The following ADH5 variants were observed in gnomAD, a reference collection of about 807,000 sequenced individuals.
ADH5 encodes alcohol dehydrogenase 5 (class III), chi polypeptide.
A neutral mutation model predicts 40.3 loss-of-function variants in ADH5; 32 were observed. The observed-to-expected ratio is 0.79, with a 90% CI of 0.60 to 1.07. The LOEUF (loss-of-function observed/expected upper bound fraction) is 1.07. ADH5 is among the 50% of genes least tolerant of loss of function. ADH5 has a pLI of 0.00. For missense variants in ADH5, 353 were observed against 460.5 expected, an observed-to-expected ratio of 0.77 and a Z score of 2.14; for synonymous variants, 125 against 154.3, an observed-to-expected ratio of 0.81 and a Z score of 1.41.
At chr4:99,086,581 G>A (rs573474221) in intron 1 of ADH5, among the ~76,000 whole-genome samples, 12 of 152,286 alleles carry the variant, frequency 7.9e-5, no homozygotes, top group Admixed American at 7.2e-4. Context: ...GAAGGATGAG[G>A]AAAAGGTAAT....
chr4:99,081,726 TCTTG>T, intron 3 of ADH5: 1 of 558,918 alleles, frequency 1.8e-6, no homozygotes, highest in Non-Finnish European at 3.1e-6. Context: ...CTCTAAAAAT[TCTTG>T]CTTAATATGC....
intron 2 of ADH5, among the ~76,000 whole-genome samples, chr4:99,083,147 A>G (rs545961993): frequency 3.3e-5 from 5 of 152,338 alleles, no homozygotes; most frequent in African/African-American, 9.6e-5. Flanking sequence ...ATACAGCTCA[A>G]TGAGCACAAT....
rs767121251 is a variant in ADH5, at chr4:99,076,688, CAA to C, written c.564+14_564+15del. Reference sequence around the variant, plus strand: ...AATTAGAAGGCAGAAGCAAAAAACCCAAGTCAGTCTCTTACCTTGGCAGTGTT... The same window carrying C: ...AATTAGAAGGCAGAAGCAAAAAACCCGTCAGTCTCTTACCTTGGCAGTGTT... On this transcript the variant is annotated intron_variant, in intron 5 of 8. Transcript: ENST00000296412. 2.5e-6 allele frequency: 4 copies of C among 1,608,608 alleles called. No individual in the cohort carries two copies.
chr4:99,075,101 G>T, intron 6 of ADH5, 52 bp from the exon 7 acceptor site: 1 of 1,425,292 alleles, frequency 7.0e-7, no homozygotes, highest in African/African-American at 1.4e-5. Context: ...ATTTTCCTGA[G>T]AACAACTGCT....
chr4:99,072,683 C>T lies in ADH5; in HGVS notation c.990G>A (p.Lys330=). The T allele has an allele frequency of 6.2e-7, 1 of 1,612,274 alleles. No individual in the cohort carries two copies. Among genetic ancestry groups the T allele is most frequent in the Non-Finnish European group, 8.5e-7 (1 of 1,179,402 alleles). The change falls in exon 8 of 9, where the codon AAG becomes AAA. Residue 330 remains lysine (K), a synonymous_variant. Transcript: ENST00000296412. ...GGWKSVESVP[K]LVSEYMSKKI... ...TTTTGGACATATATTCAGACACCAA[C>T]TTTGGGACACTTTCTACACTCTTCC...
intron 2 of ADH5, among the ~76,000 whole-genome samples, chr4:99,084,205 G>A (rs1234722678): frequency 6.6e-6 from 1 of 152,170 alleles, no homozygotes; most frequent in Non-Finnish European, 1.5e-5. Context: ...CTACTGGGCT[G>A]CATTCCCAGG....
chr4:99,081,614 GCAAAAAGTATGTTT>G, intron 3 of ADH5, 162 bp from the exon 4 acceptor site: 1 of 592,422 alleles, frequency 1.7e-6, no homozygotes, highest in Non-Finnish European at 3.0e-6. Context: ...GTCTGACCAT[GCAAAAAGTATGTTT>G]CAATATTTTT....
At chr4:99,083,600 C>CAAAAA (rs6148593) in intron 2 of ADH5, among the ~76,000 whole-genome samples, 2 of 85,170 alleles carry the variant, frequency 2.3e-5, no homozygotes, top group Admixed American at 2.3e-4. Flanking sequence ...ACTCTGTCTC[C>CAAAAA]AAAAAAAAAA....
chr4:99,084,015 A>G (rs778488330), intron 2 of ADH5, among the ~76,000 whole-genome samples: 1 of 152,172 alleles, frequency 6.6e-6, no homozygotes, highest in Non-Finnish European at 1.5e-5. Context: ...GGGTGGGTGC[A>G]TTTTAAAGCT....
At chr4:99,080,437 G>C (rs576321363) in intron 4 of ADH5, 37 of 159,160 alleles carry the variant, frequency 2.3e-4, no homozygotes, top group Non-Finnish European at 3.4e-4. Context: ...AGCTGGGCAA[G>C]ATGAGACCAG....
intron 1 of ADH5, among the ~76,000 whole-genome samples, chr4:99,087,390 CGGGGGAGGGGG>C (rs962074878): frequency 4.5e-4 from 1 of 2,218 alleles, no homozygotes. Flanking sequence ...TCTGAACTGG[CGGGGGAGGGGG>C]GGGGGAGGGA....
chr4:99,080,115 A>G lies in ADH5; in HGVS notation c.344+1250T>C, dbSNP rs1453672551. On this transcript the variant is annotated intron_variant, in intron 4 of 8. Coordinates refer to ENST00000296412, the MANE Select transcript of ADH5 (RefSeq NM_000671.4). ...TTACAGTAAGAGACACTCACAACAG[A>G]AACACTGCTTCAAAGCAAGTTACAT... 9 of 350,388 alleles carry G rather than the reference A, an allele frequency of 2.6e-5. No individual in the cohort carries two copies. The Admixed American group carries it at 3.7e-4, about 14-fold the overall frequency. The allele number at this position is 350,388 out of a possible 1,614,324, so 21.7% of individuals were successfully genotyped here. A position where few individuals can be genotyped will look rare whatever the true frequency, so the allele number is the denominator to read the frequency against.
chr4:99,075,911 G>GTTCA (rs28730624), intron 6 of ADH5: 14,534 of 169,266 alleles, frequency 0.086, 676 homozygotes, highest in African/African-American at 0.099. Context: ...AGGGATAGAT[G>GTTCA]TTCAACCTGT....
At chr4:99,073,753 A>G (rs1727873248) in intron 7 of ADH5, among the ~76,000 whole-genome samples, 1 of 152,200 alleles carries the variant, frequency 6.6e-6, no homozygotes, top group Non-Finnish European at 1.5e-5. Context: ...TATTATCTTT[A>G]GATCAGCAAT....
At chr4:99,075,219 T>G (rs1012902307) in intron 6 of ADH5, 170 bp from the exon 7 acceptor site, 42 of 357,748 alleles carry the variant, frequency 1.2e-4, no homozygotes, top group Admixed American at 2.0e-4. Flanking sequence ...TTTAATTTTT[T>G]TTGTTGTTTT....
At chr4:99,079,851 A>C (rs770195488) in intron 4 of ADH5, 1 of 368,788 alleles carries the variant, frequency 2.7e-6, no homozygotes, top group Non-Finnish European at 5.2e-6. Flanking sequence ...GATTTCGTTT[A>C]ATCTCAGAAG....
intron 3 of ADH5, 172 bp from the exon 4 acceptor site, chr4:99,081,624 T>G (rs1451486449): frequency 3.4e-6 from 2 of 587,778 alleles, no homozygotes; most frequent in Non-Finnish European, 6.1e-6. Context: ...GCAAAAAGTA[T>G]GTTTCAATAT....
intron 7 of ADH5, 78 bp downstream of exon 7, chr4:99,074,836 A>G: frequency 2.1e-6 from 3 of 1,457,518 alleles, no homozygotes; most frequent in Non-Finnish European, 2.7e-6. Context: ...ATATAAAAAA[A>G]ATTAGGTGGC....
intron 4 of ADH5, among the ~76,000 whole-genome samples, chr4:99,078,889 C>G (rs1490477204): frequency 1.3e-5 from 2 of 152,170 alleles, no homozygotes; most frequent in Non-Finnish European, 2.9e-5. Context: ...TGATGTGTTG[C>G]AAAATCTTTC....
Sources: gnomAD v4.1 joint callset for allele counts (sites outside exome capture counted in the v4.1 genomes callset) on GRCh38, gnomAD v4.1.1 for gene constraint, MANE v1.5 for transcripts, NCBI Gene and HGNC (gene_info 2026-07-23, HGNC 2026-07-21) for gene names.